FAM222B: variants seen among roughly 807,000 people sequenced by gnomAD.
The protein encoded by FAM222B is protein FAM222B.
A neutral mutation model predicts 38.0 loss-of-function variants in FAM222B; 12 were observed. The observed-to-expected ratio is 0.32, with a 90% confidence interval of 0.20 to 0.51. The LOEUF (loss-of-function observed/expected upper bound fraction) is 0.51, where lower values mean the gene tolerates loss of function less well. Ranked by LOEUF, FAM222B falls within the 20% of genes least tolerant of loss-of-function variation. The pLI, the probability that FAM222B is intolerant of heterozygous loss-of-function variation, is 0.97. For synonymous variants in FAM222B, 329 were observed against 317.2 expected, an observed-to-expected ratio of 1.04 and a Z score of -0.40; for missense variants, 716 against 754.2, an observed-to-expected ratio of 0.95 and a Z score of 0.59.
Position 28,759,472 on chromosome 17 carries a change from T to G in FAM222B, c.487A>C (p.Thr163Pro), listed in dbSNP as rs1241338167. 1.9e-6 allele frequency: 3 copies of G among 1,572,410 alleles called. No homozygotes were observed. The highest frequency in any genetic ancestry group is 1.7e-6 in the Non-Finnish European group (2 of 1,159,998). The stretch of plus-strand genomic sequence containing the variant: ...GTCTGGGGAGGGGCATGGGCCAGGG[T>G]CTGTGCATGCTGCAGGGCCTGCTGG... The part of the protein sequence containing the change: ...ARQQALQHAQ[T>P]LAHAPPQTLQ... The change falls in exon 3 of 3, where the codon ACC becomes CCC. Residue 163 changes from threonine to proline, a missense_variant. Transcript: ENST00000581407. The surrounding 1 kb of genome is among the most constrained non-coding windows in gnomAD (Gnocchi z 4.8).
chr17:28,812,865 C>A (rs1365556297), intron 1 of FAM222B, among the ~76,000 whole-genome samples: 1 of 151,374 alleles, frequency 6.6e-6, no homozygotes, highest in African/African-American at 2.4e-5. Context: ...TGGAGACACT[C>A]GACAGTAAAA....
chr17:28,769,649 T>G (rs1327220677), intron 1 of FAM222B, among the ~76,000 whole-genome samples: 1 of 152,200 alleles, frequency 6.6e-6, no homozygotes, highest in African/African-American at 2.4e-5. Flanking sequence ...TGACTTTCCA[T>G]CTAAGAATAA....
At chr17:28,813,127 C>CA (rs201479723) in intron 1 of FAM222B, among the ~76,000 whole-genome samples, 2,018 of 43,432 alleles carry the variant, frequency 0.046, 24 homozygotes, top group Non-Finnish European at 0.059. Flanking sequence ...TCATCAGACA[C>CA]AAAAAAAAAA....
intron 1 of FAM222B, among the ~76,000 whole-genome samples, chr17:28,798,230 C>A (rs2037036027): frequency 6.6e-6 from 1 of 151,838 alleles, no homozygotes; most frequent in Non-Finnish European, 1.5e-5. Context: ...AAAATACAAA[C>A]AATTAGCCGG....
At chr17:28,822,124 C>T (rs1198036654) in intron 1 of FAM222B, among the ~76,000 whole-genome samples, 2 of 150,150 alleles carry the variant, frequency 1.3e-5, no homozygotes, top group South Asian at 2.1e-4. Context: ...TGGGTTCAAG[C>T]GATTCTCCTG....
In FAM222B at chr17:28,759,627, C is replaced by G. The variant is rs2034961445; in HGVS notation, c.332G>C (p.Ser111Thr). The change falls in exon 3 of 3, where the codon AGC becomes ACC. Residue 111 changes from serine to threonine, a missense_variant. Transcript: ENST00000581407. The surrounding 1 kb of genome is among the most constrained non-coding windows in gnomAD (Gnocchi z 4.8). ...GGTGCCGTCAAAGTCCTTGAGTATGCTTTTGGCTGGCACTTTGACAATGGC... is the reference window on the plus strand; with the variant it reads ...GGTGCCGTCAAAGTCCTTGAGTATGGTTTTGGCTGGCACTTTGACAATGGC... ...LLAIVKVPAK[S>T]ILKDFDGTRA... 6.2e-7 allele frequency: 1 copy of G among 1,612,816 alleles called. No homozygotes were observed. Among genetic ancestry groups the G allele is most frequent in the Non-Finnish European group, 8.5e-7 (1 of 1,179,502 alleles).
At chr17:28,825,611 T>C (rs1468194816) in intron 1 of FAM222B, among the ~76,000 whole-genome samples, 1 of 152,054 alleles carries the variant, frequency 6.6e-6, no homozygotes. Flanking sequence ...TCATTCCTCC[T>C]TAGGTGTTCT....
intron 1 of FAM222B, among the ~76,000 whole-genome samples, chr17:28,823,250 A>G (rs560278654): frequency 2.0e-5 from 3 of 152,118 alleles, no homozygotes; most frequent in South Asian, 2.1e-4. Flanking sequence ...CACCACTCCA[A>G]TGAACGGTTC....
intron 1 of FAM222B, among the ~76,000 whole-genome samples, chr17:28,806,557 G>T (rs545898983): frequency 6.6e-6 from 1 of 152,222 alleles, no homozygotes; most frequent in Admixed American, 6.5e-5. Context: ...GGAGTTCAAG[G>T]CCAGCCTGGG....
chr17:28,820,232 T>G (rs2038163129), intron 1 of FAM222B, among the ~76,000 whole-genome samples: 1 of 152,208 alleles, frequency 6.6e-6, no homozygotes, highest in Admixed American at 6.5e-5. Flanking sequence ...TTTTCCTCTA[T>G]TGTTAATGTC....
chr17:28,803,283 C>T (rs2037324817), intron 1 of FAM222B, among the ~76,000 whole-genome samples: 1 of 152,074 alleles, frequency 6.6e-6, no homozygotes, highest in Admixed American at 6.6e-5. Context: ...GTGGAGATTA[C>T]AGGCATGAGC....
chr17:28,828,996 C>T (rs1190623584), intron 1 of FAM222B, among the ~76,000 whole-genome samples: 1 of 152,234 alleles, frequency 6.6e-6, no homozygotes, highest in East Asian at 1.9e-4. Flanking sequence ...ACCTCCGACT[C>T]CCGGGTTCAA....
intron 1 of FAM222B, among the ~76,000 whole-genome samples, chr17:28,806,476 T>C (rs145863857): frequency 3.7e-4 from 57 of 152,288 alleles, no homozygotes; most frequent in African/African-American, 1.2e-3. Context: ...AACTTCAATT[T>C]GGAAGTCGGG....
At chr17:28,822,821 A>T (rs2038287781) in intron 1 of FAM222B, among the ~76,000 whole-genome samples, 1 of 93,312 alleles carries the variant, frequency 1.1e-5, no homozygotes, top group Non-Finnish European at 2.0e-5. Context: ...AAAAAAAAAA[A>T]AAAAAAAAAA....
At chr17:28,797,743 C>T (rs1348704519) in intron 1 of FAM222B, among the ~76,000 whole-genome samples, 2 of 152,118 alleles carry the variant, frequency 1.3e-5, no homozygotes, top group African/African-American at 4.8e-5. Flanking sequence ...GGGTATGTAT[C>T]ATCAGCCCCA....
At chr17:28,784,899 A>G (rs768440847) in intron 1 of FAM222B, among the ~76,000 whole-genome samples, 1 of 151,116 alleles carries the variant, frequency 6.6e-6, no homozygotes, top group East Asian at 2.0e-4. Flanking sequence ...TACAGGTGTG[A>G]GCCACCATGC....
At chr17:28,803,839 G>A (rs1175064148) in intron 1 of FAM222B, among the ~76,000 whole-genome samples, 2 of 151,882 alleles carry the variant, frequency 1.3e-5, no homozygotes, top group Non-Finnish European at 2.9e-5. Flanking sequence ...AAAATTAGCT[G>A]GGTGTGGTGG....
intron 1 of FAM222B, among the ~76,000 whole-genome samples, chr17:28,807,369 T>C (rs1425516672): frequency 6.6e-6 from 1 of 151,754 alleles, no homozygotes; most frequent in Non-Finnish European, 1.5e-5. Flanking sequence ...CGCTTGTTTT[T>C]GTGTGTGTGT....
intron 1 of FAM222B, among the ~76,000 whole-genome samples, chr17:28,835,224 A>T (rs2038802516): frequency 6.6e-6 from 1 of 151,920 alleles, no homozygotes; most frequent in Admixed American, 6.6e-5. Context: ...TTTAGTAGAG[A>T]CGGGGTCTCA....
Sources: allele counts gnomAD v4.1 joint callset (sites outside exome capture counted in the v4.1 genomes callset), GRCh38; gene constraint gnomAD v4.1.1; non-coding constraint Gnocchi (gnomAD v3.1); transcripts MANE v1.5; gene names NCBI Gene and HGNC (gene_info 2026-07-23, HGNC 2026-07-21).